The following CAMTA1 variants were observed in gnomAD, a reference collection of about 807,000 sequenced individuals.
The protein encoded by CAMTA1 is calmodulin-binding transcription activator 1.
A neutral mutation model predicts 170.9 loss-of-function variants in CAMTA1; 27 were observed. That is an observed-to-expected ratio of 0.16 (90% CI 0.12 to 0.22). The LOEUF (loss-of-function observed/expected upper bound fraction) is 0.22, where lower values mean the gene tolerates loss of function less well. CAMTA1 is among the 10% of genes least tolerant of loss of function. The pLI is 1.00. For missense variants in CAMTA1, 1,619 were observed against 2,217.2 expected (o/e 0.73, Z 5.42); for synonymous variants, 833 against 891.5 (o/e 0.93, Z 1.17).
intron 4 of CAMTA1, among the ~76,000 whole-genome samples, chr1:7,203,230 G>A (rs1657027081): frequency 6.6e-6 from 1 of 152,082 alleles, no homozygotes; most frequent in South Asian, 2.1e-4. Flanking sequence ...CTTTTTACAT[G>A]TTGCTGGATT....
chr1:7,340,544 G>GCCTCCCTCCCTTCCTC (rs772743867), intron 5 of CAMTA1, among the ~76,000 whole-genome samples: 2 of 105,486 alleles, frequency 1.9e-5, no homozygotes, highest in Middle Eastern at 5.5e-3. Context: ...CTGCCTGCCT[G>GCCTCCCTCCCTTCCTC]CCTGCCTGCC....
rs1557871811 is a variant in CAMTA1, at chr1:6,948,325, T to TGG, written c.234+123115_234+123116insGG. On this transcript the variant is annotated intron_variant, in intron 3 of 22. Coordinates refer to ENST00000303635, the MANE Select transcript of CAMTA1 (RefSeq NM_015215.4). ...AACCTGGTGGATGACATTTAGAGTT[T>TGG]AGTGAGAAGCTCTGGAAGTCTCACT... Among the ~76,000 whole-genome samples, 3 of 152,304 alleles carry TGG rather than the reference T, an allele frequency of 2.0e-5. No individual in the cohort carries two copies. The East Asian group carries it at 5.8e-4, about 29-fold the overall frequency.
At chr1:6,980,661 G>T (rs1177842356) in intron 3 of CAMTA1, among the ~76,000 whole-genome samples, 1 of 152,102 alleles carries the variant, frequency 6.6e-6, no homozygotes, top group African/African-American at 2.4e-5. Flanking sequence ...CTCTTCTCAT[G>T]ATAGTGACTA....
chr1:7,543,997 A>T (rs751496559), intron 6 of CAMTA1, among the ~76,000 whole-genome samples: 6 of 152,280 alleles, frequency 3.9e-5, no homozygotes, highest in South Asian at 2.1e-4. Flanking sequence ...AATAGTTCTT[A>T]AAAAAGGGAT....
intron 3 of CAMTA1, among the ~76,000 whole-genome samples, chr1:7,075,321 C>A (rs1276674758): frequency 6.6e-6 from 1 of 152,296 alleles, no homozygotes; most frequent in Non-Finnish European, 1.5e-5. Context: ...TACATATATT[C>A]ATTTATGATG....
At chr1:7,679,581 C>T (rs28514553) in intron 11 of CAMTA1, among the ~76,000 whole-genome samples, 5 of 46,256 alleles carry the variant, frequency 1.1e-4, no homozygotes, top group African/African-American at 1.8e-4. Flanking sequence ...AGCTGCCCCC[C>T]CCCCCAGAAC....
chr1:7,479,385 A>G lies in CAMTA1; in HGVS notation c.510+11484A>G, dbSNP rs559231806. ...CTCCTGCCTTCATGCTGGAGTAAGG[A>G]TCTGGGGTGGGGGTGGTACCTGAAG... On this transcript the variant is annotated intron_variant, in intron 6 of 22. Coordinates refer to ENST00000303635, the MANE Select transcript of CAMTA1 (RefSeq NM_015215.4). Among the ~76,000 whole-genome samples, 4 of 152,236 alleles carry G rather than the reference A, an allele frequency of 2.6e-5. No homozygotes were observed. In the East Asian group the frequency reaches 7.7e-4, roughly 29 times the overall value.
At chr1:7,017,419 G>C (rs1700721055) in intron 3 of CAMTA1, among the ~76,000 whole-genome samples, 2 of 152,326 alleles carry the variant, frequency 1.3e-5, no homozygotes, top group Non-Finnish European at 2.9e-5. Flanking sequence ...AGGAGGATTT[G>C]CTAATGAACT....
chr1:7,697,168 A>C (rs2096385197), intron 11 of CAMTA1, among the ~76,000 whole-genome samples: 1 of 152,236 alleles, frequency 6.6e-6, no homozygotes, highest in African/African-American at 2.4e-5. Context: ...GCAGGAAGGC[A>C]TCTGCCACCC....
At chr1:6,821,184 G>GT (rs546536835) in intron 2 of CAMTA1, among the ~76,000 whole-genome samples, 88 of 152,242 alleles carry the variant, frequency 5.8e-4, no homozygotes, top group African/African-American at 2.1e-3. Flanking sequence ...GTTAGTTTCT[G>GT]TTTCTTTAAC....
In CAMTA1 at chr1:7,463,733, C is replaced by T. The variant is rs570983806; in HGVS notation, c.439-4097C>T. Among the ~76,000 whole-genome samples the T allele has an allele frequency of 1.1e-4, 16 of 152,196 alleles. No individual in the cohort carries two copies. The highest frequency in any genetic ancestry group is 3.9e-4 in the East Asian group (2 of 5,152). On this transcript the variant is annotated intron_variant, in intron 5 of 22. Coordinates refer to ENST00000303635, the MANE Select transcript of CAMTA1 (RefSeq NM_015215.4). The surrounding 1 kb of genome is among the most constrained non-coding windows in gnomAD (Gnocchi z 4.7). ...TCAGATGAGGCCGTAGAGAGCTGGCCGGGAAGGGAGGTGCCCACAACATAC... is the reference window on the plus strand; with the variant it reads ...TCAGATGAGGCCGTAGAGAGCTGGCTGGGAAGGGAGGTGCCCACAACATAC...
chr1:6,892,426 G>A (rs1457389123), intron 3 of CAMTA1, among the ~76,000 whole-genome samples: 5 of 152,112 alleles, frequency 3.3e-5, no homozygotes, highest in African/African-American at 9.7e-5. Context: ...CAGTAGAGAC[G>A]TGTGACATAT....
intron 5 of CAMTA1, among the ~76,000 whole-genome samples, chr1:7,338,589 C>A (rs2083566930): frequency 6.6e-6 from 1 of 152,192 alleles, no homozygotes; most frequent in Non-Finnish European, 1.5e-5. Flanking sequence ...CAAAGCCCTG[C>A]CCTCATGGAG....
intron 5 of CAMTA1, among the ~76,000 whole-genome samples, chr1:7,394,755 A>T (rs900951132): frequency 3.1e-4 from 47 of 151,592 alleles, no homozygotes; most frequent in African/African-American, 1.0e-3. Flanking sequence ...TATTATTTTT[A>T]AAAAATCCTT....
chr1:6,962,935 C>T (rs1341040573), intron 3 of CAMTA1, among the ~76,000 whole-genome samples: 1 of 151,362 alleles, frequency 6.6e-6, no homozygotes, highest in Non-Finnish European at 1.5e-5. Flanking sequence ...GGACCCACCC[C>T]TCTTTCAGTT....
intron 3 of CAMTA1, among the ~76,000 whole-genome samples, chr1:7,002,464 T>A (rs976550817): frequency 6.6e-6 from 1 of 152,196 alleles, no homozygotes; most frequent in Admixed American, 6.5e-5. Context: ...TGAGGTCTGT[T>A]TAAATTGTGT....
chr1:7,342,194 G>A (rs2083884086), intron 5 of CAMTA1, among the ~76,000 whole-genome samples: 2 of 152,220 alleles, frequency 1.3e-5, no homozygotes, highest in African/African-American at 4.8e-5. Flanking sequence ...GGCCTAGGGT[G>A]GAGGGCAGGG....
intron 1 of CAMTA1, among the ~76,000 whole-genome samples, chr1:6,814,697 G>T (rs1003244382): frequency 1.3e-5 from 2 of 152,170 alleles, no homozygotes; most frequent in African/African-American, 4.8e-5. Flanking sequence ...CGTATCTACA[G>T]TTTTTTCTTT....
intron 1 of CAMTA1, among the ~76,000 whole-genome samples, chr1:6,798,207 T>G (rs998499998): frequency 6.6e-6 from 1 of 151,812 alleles, no homozygotes; most frequent in African/African-American, 2.4e-5. Context: ...AGGCTGGTCT[T>G]GAACTCCTGA....
Sources: allele counts gnomAD v4.1 joint callset (sites outside exome capture counted in the v4.1 genomes callset), GRCh38; gene constraint gnomAD v4.1.1; non-coding constraint Gnocchi (gnomAD v3.1); transcripts MANE v1.5; gene names NCBI Gene and HGNC (gene_info 2026-07-23, HGNC 2026-07-21).